Variants in BCAS3 observed in about 807,000 individuals in gnomAD.
BCAS3 encodes the protein BCAS4/BCAS3 fusion.
BCAS3 carries 53 observed loss-of-function variants against 116.1 expected under a neutral mutation model. The observed-to-expected ratio is 0.46, with a 90% confidence interval of 0.37 to 0.57. BCAS3 has a LOEUF of 0.57. Among genes scored for constraint, BCAS3 ranks in the 20% least tolerant of loss-of-function variants. The pLI, the probability that BCAS3 is intolerant of heterozygous loss-of-function variation, is 0.00. For missense variants in BCAS3, 917 were observed against 1,165.4 expected, an observed-to-expected ratio of 0.79 and a Z score of 3.10; for synonymous variants, 391 against 408.2, an observed-to-expected ratio of 0.96 and a Z score of 0.51.
chr17:60,815,446 TA>T (rs543186047), intron 7 of BCAS3, among the ~76,000 whole-genome samples: 2 of 144,506 alleles, frequency 1.4e-5, no homozygotes, highest in African/African-American at 2.6e-5. Context: ...AGTGTAATAA[TA>T]AAAAAAAAGG....
intron 19 of BCAS3, among the ~76,000 whole-genome samples, chr17:61,062,835 T>G (rs1012905325): frequency 1.1e-4 from 16 of 152,194 alleles, no homozygotes; most frequent in African/African-American, 1.4e-4. Flanking sequence ...TAATGATTTT[T>G]TTTAAGATTA....
chr17:61,240,741 A>G (rs2047442102), intron 22 of BCAS3, among the ~76,000 whole-genome samples: 1 of 152,178 alleles, frequency 6.6e-6, no homozygotes. Context: ...TTTAAAACAG[A>G]TTTTATGTTA....
intron 22 of BCAS3, among the ~76,000 whole-genome samples, chr17:61,264,408 C>CTTT (rs539191667): frequency 7.5e-6 from 1 of 133,114 alleles, no homozygotes; most frequent in Non-Finnish European, 1.6e-5. Flanking sequence ...ATAGGTAAGT[C>CTTT]TTTTTTTTTT....
intron 10 of BCAS3, among the ~76,000 whole-genome samples, chr17:60,898,384 T>A (rs1049902902): frequency 1.3e-5 from 2 of 152,230 alleles, no homozygotes; most frequent in Non-Finnish European, 2.9e-5. Flanking sequence ...TGAAGATATA[T>A]CTATAGTACT....
At chr17:60,987,756 TA>T (rs1020647081) in intron 14 of BCAS3, among the ~76,000 whole-genome samples, 2 of 152,182 alleles carry the variant, frequency 1.3e-5, no homozygotes, top group Non-Finnish European at 2.9e-5. Context: ...TTTCTGAATA[TA>T]AGATCATATG....
chr17:60,851,372 C>T (rs1031057999), intron 7 of BCAS3: 43 of 365,180 alleles, frequency 1.2e-4, no homozygotes, highest in South Asian at 7.3e-4. Context: ...ACGTCCTCCC[C>T]GCCACCAGGA....
intron 13 of BCAS3, among the ~76,000 whole-genome samples, chr17:60,945,389 A>C (rs2060887166): frequency 6.6e-6 from 1 of 152,190 alleles, no homozygotes; most frequent in Non-Finnish European, 1.5e-5. Context: ...ATGTTGAAAA[A>C]GGCAGGAAAA....
chr17:61,044,600 G>A (rs1180311772), intron 19 of BCAS3, among the ~76,000 whole-genome samples: 1 of 151,448 alleles, frequency 6.6e-6, no homozygotes, highest in Non-Finnish European at 1.5e-5. Context: ...AGGACTTATT[G>A]TATAATGCAT....
Position 61,265,217 on chromosome 17 carries a change from C to A in BCAS3, c.2426-103110C>A, listed in dbSNP as rs1013171268. Among the ~76,000 whole-genome samples the A allele has an allele frequency of 2.0e-5, 3 of 152,090 alleles. No individual in the cohort carries two copies. The highest frequency in any genetic ancestry group is 4.4e-5 in the Non-Finnish European group (3 of 68,012). The stretch of plus-strand genomic sequence containing the variant: ...TCACCTGAGGTTGCGAGTTCAAGAC[C>A]AGCCTGACCAACATGGAGAAACCCT... On this transcript the variant is annotated intron_variant, in intron 22 of 23. Coordinates refer to ENST00000407086, the MANE Select transcript of BCAS3 (RefSeq NM_017679.5). This position sits in a 1 kb window ranked among gnomAD's most constrained non-coding sequence, Gnocchi z 4.3.
intron 14 of BCAS3, chr17:60,986,782 G>T (rs1306306511): frequency 6.6e-6 from 1 of 151,886 alleles, no homozygotes; most frequent in African/African-American, 2.4e-5. Context: ...CCAATCTTCG[G>T]GTTATCACTT....
intron 7 of BCAS3, among the ~76,000 whole-genome samples, chr17:60,844,026 A>G (rs1417668940): frequency 6.6e-6 from 1 of 152,130 alleles, no homozygotes; most frequent in South Asian, 2.1e-4. Flanking sequence ...CTGGAATGCA[A>G]TGGCGTGATC....
chr17:61,016,471 A>C (rs1378245897), intron 16 of BCAS3, among the ~76,000 whole-genome samples: 1 of 152,134 alleles, frequency 6.6e-6, no homozygotes, highest in African/African-American at 2.4e-5. Context: ...TTGATTACTC[A>C]CTTGATTTAT....
chr17:60,785,841 C>A (rs2046239220), intron 6 of BCAS3, among the ~76,000 whole-genome samples: 1 of 152,174 alleles, frequency 6.6e-6, no homozygotes, highest in Non-Finnish European at 1.5e-5. Context: ...ATCAAAGATA[C>A]TTAGAGAAAA....
At chr17:60,975,019 G>A (rs2062228181) in intron 14 of BCAS3, among the ~76,000 whole-genome samples, 1 of 147,482 alleles carries the variant, frequency 6.8e-6, no homozygotes, top group African/African-American at 2.6e-5. Flanking sequence ...TTTTGAGACG[G>A]AGTCTCGCTC....
chr17:60,684,179 A>G (rs1262882601), intron 3 of BCAS3, 143 bp downstream of exon 3: 1 of 696,538 alleles, frequency 1.4e-6, no homozygotes, highest in Non-Finnish European at 2.5e-6. Flanking sequence ...GGGTGGGACT[A>G]CATTATTGTT....
At position 61,226,833 on chromosome 17, in the gene BCAS3, G is replaced by A. The variant is rs117197405; in HGVS notation, c.2426-141494G>A. On this transcript the variant is annotated intron_variant, in intron 22 of 23. Coordinates refer to ENST00000407086, the MANE Select transcript of BCAS3 (RefSeq NM_017679.5). This position sits in a 1 kb window ranked among gnomAD's most constrained non-coding sequence, Gnocchi z 6.0. ...TACTGTATCACATTTACGTATTAGG[G>A]AACTGAGCTTCAGAGAGAACCACAT... Among the ~76,000 whole-genome samples the A allele has an allele frequency of 0.019, 2,944 of 152,262 alleles. 33 individuals carry two copies. Among genetic ancestry groups the A allele is most frequent in the Non-Finnish European group, 0.028 (1,882 of 68,026 alleles).
At chr17:61,176,189 A>G (rs2079135423) in intron 22 of BCAS3, among the ~76,000 whole-genome samples, 1 of 149,768 alleles carries the variant, frequency 6.7e-6, no homozygotes, top group African/African-American at 2.4e-5. Flanking sequence ...AATTTGGACA[A>G]ATTTAAAATG....
rs997007343 is a variant in BCAS3 at position 61,108,936 on chromosome 17, C to T, written c.2425+24372C>T. Among the ~76,000 whole-genome samples, 27 of 152,164 alleles carry T rather than the reference C, an allele frequency of 1.8e-4. 2 individuals carry two copies. Among genetic ancestry groups the T allele is most frequent in the Admixed American group, 1.0e-3 (16 of 15,268 alleles). On this transcript the variant is annotated intron_variant, in intron 22 of 23. Coordinates refer to ENST00000407086, the MANE Select transcript of BCAS3 (RefSeq NM_017679.5). The stretch of plus-strand genomic sequence containing the variant: ...GGCACGGCGGCTCATGCCTGTAATC[C>T]CGGCACTTTAGGTGGCTGAGGTGGG...
rs1289287581 is a variant in BCAS3, at chr17:61,200,773, G to A, written c.2425+116209G>A. On this transcript the variant is annotated intron_variant, in intron 22 of 23. Transcript: ENST00000407086. This position sits in a 1 kb window ranked among gnomAD's most constrained non-coding sequence, Gnocchi z 5.1. Reference sequence around the variant, plus strand: ...AGGATCAGGTACAGTTAACCTGTTTGAGCCTAATAATCAAGTATTGTACTG... The same window carrying A: ...AGGATCAGGTACAGTTAACCTGTTTAAGCCTAATAATCAAGTATTGTACTG... Among the ~76,000 whole-genome samples, 1 of 152,136 alleles carries A rather than the reference G, an allele frequency of 6.6e-6. No individual in the cohort carries two copies. Among genetic ancestry groups the A allele is most frequent in the Non-Finnish European group, 1.5e-5 (1 of 68,016 alleles).
Sources: allele counts gnomAD v4.1 joint callset (sites outside exome capture counted in the v4.1 genomes callset), GRCh38; gene constraint gnomAD v4.1.1; non-coding constraint Gnocchi (gnomAD v3.1); transcripts MANE v1.5; gene names NCBI Gene and HGNC (gene_info 2026-07-23, HGNC 2026-07-21).